INPP4B: variants seen among roughly 807,000 people sequenced by gnomAD.
The protein encoded by INPP4B is inositol polyphosphate 4-phosphatase type II.
A neutral mutation model predicts 122.5 loss-of-function variants in INPP4B; 55 were observed. The observed-to-expected ratio is 0.45, with a 90% CI of 0.36 to 0.56. The LOEUF is 0.56. Among genes scored for constraint, INPP4B ranks in the 20% least tolerant of loss-of-function variants. The pLI, the probability that INPP4B is intolerant of heterozygous loss-of-function variation, is 0.00. For missense variants in INPP4B, 1,000 were observed against 1,097.7 expected (o/e 0.91, Z 1.26); for synonymous variants, 403 against 388.7 (o/e 1.04, Z -0.43).
intron 16 of INPP4B, 149 bp downstream of exon 16, chr4:142,173,483 T>A: frequency 1.6e-6 from 1 of 630,946 alleles, no homozygotes; most frequent in South Asian, 2.4e-5. Flanking sequence ...CAATTCATTT[T>A]GATCCTGTGG....
chr4:142,098,466 G>A (rs1783021171), intron 23 of INPP4B, among the ~76,000 whole-genome samples: 1 of 152,102 alleles, frequency 6.6e-6, no homozygotes, highest in African/African-American at 2.4e-5. Flanking sequence ...GGATACGAAT[G>A]GACTAAATGA....
chr4:142,152,033 C>T (rs983010414), intron 17 of INPP4B, among the ~76,000 whole-genome samples: 10 of 146,024 alleles, frequency 6.8e-5, no homozygotes, highest in African/African-American at 2.6e-4. Context: ...ATGTTTCATG[C>T]TTCTCTCTGC....
intron 2 of INPP4B, among the ~76,000 whole-genome samples, chr4:142,539,444 AT>A (rs1369252277): frequency 6.6e-5 from 10 of 152,104 alleles, no homozygotes; most frequent in Non-Finnish European, 1.2e-4. Context: ...GCATTGACTT[AT>A]TGAACTGACC....
intron 2 of INPP4B, among the ~76,000 whole-genome samples, chr4:142,485,859 C>T (rs943387889): frequency 1.3e-5 from 2 of 152,138 alleles, no homozygotes; most frequent in African/African-American, 2.4e-5. Context: ...AATAAGGCTA[C>T]GATTGGCCAG....
At chr4:142,547,031 T>G (rs1475243715) in intron 2 of INPP4B, among the ~76,000 whole-genome samples, 1 of 152,154 alleles carries the variant, frequency 6.6e-6, no homozygotes, top group African/African-American at 2.4e-5. Flanking sequence ...ACCATTTGTT[T>G]CATTCAAGAT....
At chr4:142,619,448 A>G (rs1744407785) in intron 2 of INPP4B, among the ~76,000 whole-genome samples, 1 of 152,120 alleles carries the variant, frequency 6.6e-6, no homozygotes, top group Non-Finnish European at 1.5e-5. Context: ...CAACATGGAT[A>G]AACCTTGAAG....
chr4:142,517,826 C>T (rs941549115), intron 2 of INPP4B, among the ~76,000 whole-genome samples: 5 of 152,148 alleles, frequency 3.3e-5, no homozygotes, highest in African/African-American at 1.2e-4. Context: ...CTCTTCACAC[C>T]TCCACTTCTG....
chr4:142,128,206 ATGTGTG>A (rs57366796), intron 18 of INPP4B, among the ~76,000 whole-genome samples: 3 of 150,686 alleles, frequency 2.0e-5, no homozygotes, highest in African/African-American at 4.9e-5. Context: ...AAATATATAT[ATGTGTG>A]TGTGTGTGTG....
intron 2 of INPP4B, among the ~76,000 whole-genome samples, chr4:142,500,836 T>C (rs1823272920): frequency 6.6e-6 from 1 of 151,992 alleles, no homozygotes; most frequent in Non-Finnish European, 1.5e-5. Flanking sequence ...GACAAACTCA[T>C]AGAATTAGAA....
intron 1 of INPP4B, among the ~76,000 whole-genome samples, chr4:142,737,500 A>G (rs1580805440): frequency 6.6e-6 from 1 of 152,178 alleles, no homozygotes; most frequent in East Asian, 1.9e-4. Context: ...ACCTAAAACC[A>G]TAAAAACCCT....
rs572273171 is a variant in INPP4B at position 142,779,285 on chromosome 4, G to C, written c.-253-53384C>G. Among the ~76,000 whole-genome samples the C allele has an allele frequency of 8.6e-5, 13 of 151,800 alleles. No individual in the cohort carries two copies. In the South Asian group the frequency reaches 2.7e-3, roughly 32 times the overall value. On this transcript the variant is annotated intron_variant, in intron 1 of 25. Transcript: ENST00000262992. ...TTTGTGTGTTGAATGATATTTTTTA[G>C]GGTATCCTAGGACCCCAAACAACAT...
At chr4:142,239,750 C>T (rs903569346) in intron 11 of INPP4B, among the ~76,000 whole-genome samples, 1 of 152,062 alleles carries the variant, frequency 6.6e-6, no homozygotes, top group Non-Finnish European at 1.5e-5. Context: ...TAGGAATAAG[C>T]ATGCATTATT....
chr4:142,618,428 C>T (rs993011143), intron 2 of INPP4B, among the ~76,000 whole-genome samples: 6 of 152,084 alleles, frequency 3.9e-5, no homozygotes, highest in East Asian at 1.9e-4. Context: ...AATAAGCTCA[C>T]GCATGTATGA....
chr4:142,214,910 CAT>C (rs1429966711), intron 12 of INPP4B, among the ~76,000 whole-genome samples: 4 of 152,200 alleles, frequency 2.6e-5, no homozygotes, highest in African/African-American at 9.7e-5. Flanking sequence ...TGTATGTACA[CAT>C]ATGTGTTATA....
At chr4:142,114,616 G>T (rs541817525) in intron 21 of INPP4B, among the ~76,000 whole-genome samples, 2 of 151,982 alleles carry the variant, frequency 1.3e-5, no homozygotes, top group African/African-American at 2.4e-5. Context: ...TAGGTTTTTG[G>T]TGTCATTATT....
intron 7 of INPP4B, among the ~76,000 whole-genome samples, chr4:142,350,633 T>A (rs1026862655): frequency 6.6e-6 from 1 of 152,024 alleles, no homozygotes; most frequent in Non-Finnish European, 1.5e-5. Flanking sequence ...AGTACCCTGC[T>A]ATTGGTAAGA....
intron 25 of INPP4B, among the ~76,000 whole-genome samples, chr4:142,066,831 G>A (rs532050083): frequency 4.6e-5 from 7 of 152,298 alleles, no homozygotes; most frequent in Admixed American, 2.0e-4. Flanking sequence ...CAGGAAGCTC[G>A]AACTGGATGG....
intron 2 of INPP4B, among the ~76,000 whole-genome samples, chr4:142,506,173 T>C (rs2149841127): frequency 6.6e-6 from 1 of 152,296 alleles, no homozygotes; most frequent in African/African-American, 2.4e-5. Context: ...ACAATAAATA[T>C]TCTACAAATT....
rs554085014 is a variant in INPP4B at position 142,718,981 on chromosome 4, T to C, written c.-191+6858A>G. Among the ~76,000 whole-genome samples the C allele has an allele frequency of 2.6e-4, 39 of 152,344 alleles. No homozygotes were observed. The South Asian group carries it at 7.7e-3, about 30-fold the overall frequency. On this transcript the variant is annotated intron_variant, in intron 2 of 25. Coordinates refer to ENST00000262992, the MANE Select transcript of INPP4B (RefSeq NM_001101669.3). ...CCAACTAAAAAAATCTTAAACATGATAAAGATGTAACATTTACATTAATAT... is the reference window on the plus strand; with the variant it reads ...CCAACTAAAAAAATCTTAAACATGACAAAGATGTAACATTTACATTAATAT...
Sources: gnomAD v4.1 joint callset for allele counts (sites outside exome capture counted in the v4.1 genomes callset) on GRCh38, gnomAD v4.1.1 for gene constraint, MANE v1.5 for transcripts, NCBI Gene and HGNC (gene_info 2026-07-23, HGNC 2026-07-21) for gene names.